KRABD4: variants seen among roughly 807,000 people sequenced by gnomAD.
KRABD4 encodes KRAB domain-containing protein 4.
the KRABD4 span, among the ~76,000 whole-genome samples, chrX:46,447,799 G>A: frequency 9.0e-6 from 1 of 111,690 alleles, no homozygotes; most frequent in South Asian, 3.8e-4. Flanking sequence ...CAAACCCGAG[G>A]AATCTTTTTT....
the KRABD4 span, among the ~76,000 whole-genome samples, chrX:46,468,056 A>C: frequency 2.7e-5 from 3 of 111,651 alleles, no homozygotes; most frequent in South Asian, 1.1e-3. Flanking sequence ...TCATAATTTT[A>C]GTTCTTATAT....
chrX:46,472,502 A>G, the KRABD4 span: 3 of 340,232 alleles, frequency 8.8e-6, no homozygotes, highest in Non-Finnish European at 1.5e-5. Flanking sequence ...TTTTTGTCAC[A>G]TAATAAATTT....
the KRABD4 span, among the ~76,000 whole-genome samples, chrX:46,447,762 A>C: frequency 8.9e-6 from 1 of 112,282 alleles, no homozygotes; most frequent in African/African-American, 3.2e-5. Flanking sequence ...GTGTGGCTTG[A>C]CAACCTGTCC....
the KRABD4 span, among the ~76,000 whole-genome samples, chrX:46,457,812 G>A: frequency 8.2e-5 from 9 of 109,403 alleles, no homozygotes; most frequent in African/African-American, 2.3e-4. Flanking sequence ...TGGCACAGTC[G>A]GCTCACCGCA....
chrX:46,455,524 C>T, the KRABD4 span: 1 of 436,284 alleles, frequency 2.3e-6, no homozygotes, highest in Non-Finnish European at 4.2e-6. Flanking sequence ...ATGGCCTCTT[C>T]CCAGCAATTG....
At chrX:46,449,406 C>T in the KRABD4 span, among the ~76,000 whole-genome samples, 7 of 111,962 alleles carry the variant, frequency 6.3e-5, no homozygotes, top group East Asian at 1.7e-3. Context: ...GTCTTTTCAC[C>T]TCTAGGGCTC....
the KRABD4 span, chrX:46,450,531 A>T: frequency 1.9e-6 from 2 of 1,072,792 alleles, no homozygotes; most frequent in Non-Finnish European, 2.6e-6. Flanking sequence ...CAAGGTTTGG[A>T]ATCTATATAG....
the KRABD4 span, chrX:46,474,250 A>G: frequency 8.9e-6 from 1 of 112,534 alleles, no homozygotes; most frequent in Non-Finnish European, 1.9e-5. Flanking sequence ...TCTTCTATCC[A>G]AGAAATTGTG....
At chrX:46,450,440 C>T in the KRABD4 span, 7 of 1,203,173 alleles carry the variant, frequency 5.8e-6, no homozygotes, top group Non-Finnish European at 7.9e-6. Context: ...GATCTCCATC[C>T]TTTGTCCAGA....
At chrX:46,467,384 G>A in the KRABD4 span, among the ~76,000 whole-genome samples, 1 of 110,468 alleles carries the variant, frequency 9.1e-6, no homozygotes, top group African/African-American at 3.3e-5. Context: ...GTGAAACCCC[G>A]TCTCTACTAA....
chrX:46,461,347 C>T, the KRABD4 span, among the ~76,000 whole-genome samples: 1 of 111,052 alleles, frequency 9.0e-6, no homozygotes, highest in East Asian at 2.9e-4. Context: ...ATCATCCTAG[C>T]ACTCAGCAGT....
At chrX:46,463,273 C>A in the KRABD4 span, 2 of 1,211,788 alleles carry the variant, frequency 1.7e-6, no homozygotes, top group Non-Finnish European at 2.2e-6. Context: ...GATGGGGGGA[C>A]CCCGGTACGG....
chrX:46,450,431 A>C, the KRABD4 span: 1 of 1,196,469 alleles, frequency 8.4e-7, no homozygotes, highest in Non-Finnish European at 1.1e-6. Flanking sequence ...GCCTTTATAG[A>C]TCTCCATCCT....
chrX:46,450,685 T>C, the KRABD4 span, among the ~76,000 whole-genome samples: 10 of 106,489 alleles, frequency 9.4e-5, no homozygotes, highest in Admixed American at 3.1e-4. Context: ...TCTTTCTTTT[T>C]CTTTTTCTTT....
chrX:46,453,266 G>A, the KRABD4 span, among the ~76,000 whole-genome samples: 3 of 112,035 alleles, frequency 2.7e-5, no homozygotes, highest in Non-Finnish European at 5.6e-5. Context: ...TTTCAGTTAT[G>A]TGGAAAAAGT....
the KRABD4 span, chrX:46,455,285 C>A: frequency 2.6e-6 from 2 of 774,928 alleles, no homozygotes; most frequent in Non-Finnish European, 1.9e-6. Flanking sequence ...TCTTTGTCTT[C>A]CTGAGACAAG....
the KRABD4 span, among the ~76,000 whole-genome samples, chrX:46,470,630 CTTA>C: frequency 3.6e-5 from 4 of 109,690 alleles, no homozygotes; most frequent in Non-Finnish European, 7.6e-5. Flanking sequence ...GATTTCTGCT[CTTA>C]TTATTTCTTT....
chrX:46,467,511 C>T, the KRABD4 span, among the ~76,000 whole-genome samples: 3 of 110,978 alleles, frequency 2.7e-5, no homozygotes, highest in Non-Finnish European at 3.8e-5. Flanking sequence ...GCCAAGATCA[C>T]GCCACTCTAC....
chrX:46,464,416 T>C, the KRABD4 span, among the ~76,000 whole-genome samples: 9 of 112,212 alleles, frequency 8.0e-5, no homozygotes, highest in African/African-American at 2.9e-4. Flanking sequence ...ACAGTAAAGC[T>C]TGAAAAGCAC....
Sources: gnomAD v4.1 joint callset for allele counts (sites outside exome capture counted in the v4.1 genomes callset) on GRCh38, gnomAD v4.1.1 for gene constraint, MANE v1.5 for transcripts, NCBI Gene and HGNC (gene_info 2026-07-23, HGNC 2026-07-21) for gene names.